The following RAB7A variants were observed in gnomAD, a reference collection of about 807,000 sequenced individuals.
RAB7A encodes the protein RAB7A, member RAS oncogene family.
RAB7A carries 2 observed loss-of-function variants against 24.5 expected under a neutral mutation model. The observed-to-expected ratio is 0.08, with a 90% CI of 0.03 to 0.26. The LOEUF is 0.26. RAB7A is among the 10% of genes least tolerant of loss of function. RAB7A has a pLI of 1.00. For synonymous variants in RAB7A, 100 were observed against 95.9 expected (o/e 1.04, Z -0.25); for missense variants, 118 against 255.7 (o/e 0.46, Z 3.67).
At chr3:128,763,131 A>C (rs1228483670) in intron 1 of RAB7A, among the ~76,000 whole-genome samples, 1 of 144,464 alleles carries the variant, frequency 6.9e-6, no homozygotes, top group African/African-American at 2.6e-5. Flanking sequence ...GTATTTCTCT[A>C]TCCCCACTCT....
intron 1 of RAB7A, chr3:128,795,156 CT>C (rs1933539438): frequency 1.6e-6 from 1 of 617,674 alleles, no homozygotes; most frequent in South Asian, 1.9e-5. Flanking sequence ...GATGGCCCTG[CT>C]GTGCTGTTCT....
At chr3:128,779,142 G>A (rs561289751) in intron 1 of RAB7A, among the ~76,000 whole-genome samples, 21 of 152,306 alleles carry the variant, frequency 1.4e-4, no homozygotes, top group African/African-American at 4.6e-4. Flanking sequence ...GGCTGGGTAC[G>A]GTGGCTCACG....
chr3:128,734,697 A>G (rs761141870), intron 1 of RAB7A, among the ~76,000 whole-genome samples: 1 of 152,078 alleles, frequency 6.6e-6, no homozygotes, highest in Non-Finnish European at 1.5e-5. Flanking sequence ...TTAGAATATC[A>G]CATTCTATCG....
chr3:128,794,356 T>G (rs1933523455), intron 1 of RAB7A, among the ~76,000 whole-genome samples: 1 of 152,208 alleles, frequency 6.6e-6, no homozygotes, highest in Non-Finnish European at 1.5e-5. Context: ...CATCTCTATA[T>G]TCCCTATTCC....
At chr3:128,732,459 GGAA>G (rs1212790309) in intron 1 of RAB7A, among the ~76,000 whole-genome samples, 1 of 151,746 alleles carries the variant, frequency 6.6e-6, no homozygotes, top group African/African-American at 2.4e-5. Context: ...ACTACCCCGA[GGAA>G]GACCAAAGTG....
At chr3:128,744,962 C>A (rs1401543964) in intron 1 of RAB7A, among the ~76,000 whole-genome samples, 1 of 151,436 alleles carries the variant, frequency 6.6e-6, no homozygotes, top group Non-Finnish European at 1.5e-5. Flanking sequence ...CAAGCTCTGC[C>A]TCCTGGGTTC....
intron 5 of RAB7A, among the ~76,000 whole-genome samples, chr3:128,810,889 A>G (rs1933909648): frequency 6.6e-6 from 1 of 152,116 alleles, no homozygotes; most frequent in Admixed American, 6.5e-5. Context: ...CCCCATCTCT[A>G]CTAAAAATAC....
At chr3:128,766,299 GTTTAACC>G (rs997608455) in intron 1 of RAB7A, among the ~76,000 whole-genome samples, 12 of 152,216 alleles carry the variant, frequency 7.9e-5, no homozygotes, top group African/African-American at 2.9e-4. Flanking sequence ...TGAACCAGTT[GTTTAACC>G]AGTAAGTTTC....
chr3:128,753,754 A>G (rs967908753), intron 1 of RAB7A, among the ~76,000 whole-genome samples: 7 of 152,192 alleles, frequency 4.6e-5, no homozygotes, highest in African/African-American at 1.4e-4. Context: ...AATCCTATCC[A>G]TAAGGGTGGA....
At chr3:128,783,335 C>T (rs545891906) in intron 1 of RAB7A, among the ~76,000 whole-genome samples, 1 of 151,930 alleles carries the variant, frequency 6.6e-6, no homozygotes, top group South Asian at 2.1e-4. Context: ...GGTGTCTGGG[C>T]CCCAGGTGCT....
At chr3:128,759,741 C>T (rs770411664) in intron 1 of RAB7A, among the ~76,000 whole-genome samples, 1 of 151,806 alleles carries the variant, frequency 6.6e-6, no homozygotes, top group Non-Finnish European at 1.5e-5. Context: ...CGGAGTTTCG[C>T]TCTTGTTACC....
intron 1 of RAB7A, chr3:128,764,753 G>T: frequency 1.2e-6 from 1 of 812,682 alleles, no homozygotes; most frequent in Non-Finnish European, 2.2e-6. Flanking sequence ...TCACAGACTG[G>T]TTTCTTGATA....
At chr3:128,772,933 C>T (rs1340518528) in intron 1 of RAB7A, among the ~76,000 whole-genome samples, 1 of 152,224 alleles carries the variant, frequency 6.6e-6, no homozygotes, top group Non-Finnish European at 1.5e-5. Context: ...GTGATCTCGG[C>T]TCGCTACAAC....
intron 3 of RAB7A, among the ~76,000 whole-genome samples, chr3:128,806,015 C>A (rs1933795154): frequency 6.6e-6 from 1 of 152,138 alleles, no homozygotes; most frequent in African/African-American, 2.4e-5. Context: ...CACCTCACTT[C>A]CCTATATTTC....
chr3:128,763,763 TG>T (rs2070797935), intron 1 of RAB7A, among the ~76,000 whole-genome samples: 2 of 152,072 alleles, frequency 1.3e-5, no homozygotes, highest in African/African-American at 4.8e-5. Context: ...GTATCACTGG[TG>T]ATGTTTACCT....
At position 128,814,283 on chromosome 3, in the gene RAB7A, C is replaced by T. The variant is rs957867152; in HGVS notation, c.*861C>T. ...TTAAGAGCCAAAAAGCTTTTCATCT[C>T]TCCAGGGGGAAAACTGTCTAGTTCC... On this transcript the variant is annotated 3_prime_UTR_variant, in exon 6 of 6. Coordinates refer to ENST00000265062, the MANE Select transcript of RAB7A (RefSeq NM_004637.6). The T allele has an allele frequency of 2.0e-5, 3 of 152,898 alleles. No individual in the cohort carries two copies. The highest frequency in any genetic ancestry group is 2.9e-5 in the Non-Finnish European group (2 of 68,118). The allele number at this position is 152,898 out of a possible 1,614,324, so 9.5% of individuals were successfully genotyped here. A position where few individuals can be genotyped will look rare whatever the true frequency, so the allele number is the denominator to read the frequency against.
intron 2 of RAB7A, among the ~76,000 whole-genome samples, chr3:128,795,783 G>A (rs1194264984): frequency 5.6e-5 from 1 of 17,908 alleles, no homozygotes; most frequent in East Asian, 2.1e-3. Flanking sequence ...ACAGAGTCTC[G>A]CTCTGTCGCC....
chr3:128,761,886 A>G (rs1346927966), intron 1 of RAB7A, among the ~76,000 whole-genome samples: 2 of 152,236 alleles, frequency 1.3e-5, no homozygotes, highest in African/African-American at 4.8e-5. Flanking sequence ...ATGCCTGCCA[A>G]ACTGTGGCAC....
At chr3:128,770,005 CTTTT>C (rs766245243) in intron 1 of RAB7A, among the ~76,000 whole-genome samples, 2 of 140,778 alleles carry the variant, frequency 1.4e-5, no homozygotes, top group Admixed American at 7.2e-5. Context: ...TTCCTTTTTT[CTTTT>C]TTTTTTTTTT....
Sources: gnomAD v4.1 joint callset for allele counts (sites outside exome capture counted in the v4.1 genomes callset) on GRCh38, gnomAD v4.1.1 for gene constraint, MANE v1.5 for transcripts, NCBI Gene and HGNC (gene_info 2026-07-23, HGNC 2026-07-21) for gene names.